PPP2R2C: variants seen among roughly 807,000 people sequenced by gnomAD.
PPP2R2C encodes protein phosphatase 2 regulatory subunit Bgamma.
PPP2R2C carries 10 observed loss-of-function variants against 45.3 expected under a neutral mutation model. That is an observed-to-expected ratio of 0.22 (90% CI 0.14 to 0.37). PPP2R2C has a LOEUF of 0.37. Among genes scored for constraint, PPP2R2C ranks in the 10% least tolerant of loss-of-function variants. The pLI is 1.00. For missense variants in PPP2R2C, 308 were observed against 619.7 expected (o/e 0.50, Z 5.34); for synonymous variants, 257 against 245.4 (o/e 1.05, Z -0.44).
At chr4:6,525,968 C>T (rs972230708) in intron 2 of PPP2R2C, among the ~76,000 whole-genome samples, 3 of 152,226 alleles carry the variant, frequency 2.0e-5, no homozygotes, top group African/African-American at 7.2e-5. Context: ...TCCCAAAGTG[C>T]TGGGATTACA....
Position 6,378,256 on chromosome 4 carries a change from T to G in PPP2R2C, c.334+151A>C. 6.8e-7 allele frequency: 1 copy of G among 1,465,936 alleles called. No homozygotes were observed. The highest frequency in any genetic ancestry group is 9.1e-7 in the Non-Finnish European group (1 of 1,099,068). 90.8% of individuals were successfully genotyped at this position (1,465,936 alleles called of 1,614,324 possible). The stretch of plus-strand genomic sequence containing the variant: ...TGAGGGGGTCTGGCATACTCACTCA[T>G]GGGATTTATATGCTGCTCAAAAAGG... On this transcript the variant is annotated intron_variant, in intron 3 of 8. Coordinates refer to ENST00000382599, the MANE Select transcript of PPP2R2C (RefSeq NM_020416.4). The surrounding 1 kb of genome is among the most constrained non-coding windows in gnomAD (Gnocchi z 5.2).
At position 6,328,299 on chromosome 4, in the gene PPP2R2C, C is replaced by T. The variant is rs1326287382; in HGVS notation, c.1052+963G>A. ...GCAGCCAGTGTAGTCTTTATCTCCA[C>T]ACTGTGTATCATCTGGAGACCCACT... On this transcript the variant is annotated intron_variant, in intron 8 of 8. Transcript: ENST00000382599. The surrounding 1 kb of genome is among the most constrained non-coding windows in gnomAD (Gnocchi z 4.4). 6.6e-6 allele frequency among the ~76,000 whole-genome samples: 1 copy of T among 152,214 alleles called. No homozygotes were observed. Among genetic ancestry groups the T allele is most frequent in the Non-Finnish European group, 1.5e-5 (1 of 68,040 alleles).
At chr4:6,427,576 C>A (rs1336607672) in intron 1 of PPP2R2C, among the ~76,000 whole-genome samples, 2 of 152,216 alleles carry the variant, frequency 1.3e-5, no homozygotes, top group African/African-American at 4.8e-5. Flanking sequence ...CTGGCCAAGC[C>A]TTCTTCTTGC....
intron 2 of PPP2R2C, among the ~76,000 whole-genome samples, chr4:6,519,482 G>A (rs1723946894): frequency 6.6e-6 from 1 of 152,128 alleles, no homozygotes; most frequent in African/African-American, 2.4e-5. Flanking sequence ...CTCCCGTCAT[G>A]CAGCCTCCCT....
intron 2 of PPP2R2C, among the ~76,000 whole-genome samples, chr4:6,525,829 G>T (rs571580012): frequency 1.3e-5 from 2 of 152,102 alleles, no homozygotes; most frequent in African/African-American, 2.4e-5. Flanking sequence ...TCAGCCTCCC[G>T]AATAGCTGGG....
intron 1 of PPP2R2C, among the ~76,000 whole-genome samples, chr4:6,447,810 C>A (rs573249522): frequency 6.6e-6 from 1 of 152,166 alleles, no homozygotes; most frequent in Non-Finnish European, 1.5e-5. Context: ...TTCTCCCGTG[C>A]CTCAGCTACG....
intron 1 of PPP2R2C, among the ~76,000 whole-genome samples, chr4:6,415,931 C>T (rs75407612): frequency 5.6e-4 from 86 of 152,334 alleles, no homozygotes; most frequent in African/African-American, 2.0e-3. Flanking sequence ...TTTCTCTCAA[C>T]TGGTCCAACT....
intron 1 of PPP2R2C, among the ~76,000 whole-genome samples, chr4:6,412,940 T>C (rs1376369970): frequency 6.6e-6 from 1 of 152,344 alleles, no homozygotes; most frequent in South Asian, 2.1e-4. Context: ...CCGAAACTGC[T>C]GGCACCTTCA....
chr4:6,539,331 C>A (rs1724732640), intron 1 of PPP2R2C, among the ~76,000 whole-genome samples: 1 of 152,174 alleles, frequency 6.6e-6, no homozygotes, highest in Non-Finnish European at 1.5e-5. Context: ...CCTCAGAGGG[C>A]ACCAGCCCTG....
Position 6,375,806 on chromosome 4 carries a change from C to T in PPP2R2C, c.447+13G>A, listed in dbSNP as rs1282635783. 2.1e-5 allele frequency: 34 copies of T among 1,589,268 alleles called. No homozygotes were observed. The highest frequency in any genetic ancestry group is 2.8e-5 in the Non-Finnish European group (32 of 1,163,038). ...AAGAGGCGTGTGCCTGCTTCCCCCTCACCGGAGCTCACCTGCAGTGACGTC... is the reference window on the plus strand; with the variant it reads ...AAGAGGCGTGTGCCTGCTTCCCCCTTACCGGAGCTCACCTGCAGTGACGTC... On this transcript the variant is annotated intron_variant, in intron 4 of 8. Transcript: ENST00000382599.
intron 2 of PPP2R2C, among the ~76,000 whole-genome samples, chr4:6,483,157 A>T (rs5022597): frequency 0.26 from 36,687 of 143,032 alleles, 5,111 homozygotes; most frequent in Admixed American, 0.37. Flanking sequence ...ATTGATTGAT[A>T]GATAGACGAT....
At chr4:6,551,765 G>A (rs1725192997) in intron 1 of PPP2R2C, among the ~76,000 whole-genome samples, 1 of 152,196 alleles carries the variant, frequency 6.6e-6, no homozygotes, top group South Asian at 2.1e-4. Context: ...AAATTACAGG[G>A]AAGCCACTGT....
intron 1 of PPP2R2C, among the ~76,000 whole-genome samples, chr4:6,425,261 G>T (rs1473127614): frequency 1.3e-5 from 2 of 152,132 alleles, no homozygotes; most frequent in African/African-American, 4.8e-5. Context: ...GCACGCCCAG[G>T]AGCAGGCACT....
At chr4:6,488,208 C>A (rs1432123296) in intron 2 of PPP2R2C, among the ~76,000 whole-genome samples, 1 of 152,192 alleles carries the variant, frequency 6.6e-6, no homozygotes, top group Non-Finnish European at 1.5e-5. Context: ...AATTCTGGAT[C>A]AGTCTTAACT....
In PPP2R2C at chr4:6,413,864, C is replaced by A. The variant is rs997531870; in HGVS notation, c.71-32770G>T. On this transcript the variant is annotated intron_variant, in intron 1 of 8. Transcript: ENST00000382599. ...GGGCTGGCCAGCTCCACGATGGGGA[C>A]CCTCCCAACTCTCATGATGCCCCAC... 3.6e-5 allele frequency: 56 copies of A among 1,535,750 alleles called. No homozygotes were observed. The African/African-American group carries it at 5.6e-4, about 15-fold the overall frequency.
chr4:6,476,879 C>T (rs1040840792), upstream of PPP2R2C, among the ~76,000 whole-genome samples: 5 of 152,128 alleles, frequency 3.3e-5, no homozygotes, highest in Admixed American at 6.5e-5. Context: ...CAGCTGACCC[C>T]ACTGTTGTTG....
At chr4:6,559,695 A>C (rs1227787976) in intron 1 of PPP2R2C, among the ~76,000 whole-genome samples, 1 of 152,044 alleles carries the variant, frequency 6.6e-6, no homozygotes. Context: ...TCTAAAATAG[A>C]CTCAAGGGAG....
At chr4:6,461,529 C>A (rs931545313) in intron 1 of PPP2R2C, among the ~76,000 whole-genome samples, 2 of 152,138 alleles carry the variant, frequency 1.3e-5, no homozygotes, top group African/African-American at 2.4e-5. Context: ...TGCACCTTCC[C>A]CATACCCTCT....
chr4:6,535,603 C>T (rs1302726450), intron 1 of PPP2R2C, among the ~76,000 whole-genome samples: 1 of 152,210 alleles, frequency 6.6e-6, no homozygotes, highest in Non-Finnish European at 1.5e-5. Context: ...GACGACACAC[C>T]ACCTTCCCCT....
Sources: allele counts gnomAD v4.1 joint callset (sites outside exome capture counted in the v4.1 genomes callset), GRCh38; gene constraint gnomAD v4.1.1; non-coding constraint Gnocchi (gnomAD v3.1); transcripts MANE v1.5; gene names NCBI Gene and HGNC (gene_info 2026-07-23, HGNC 2026-07-21).